The following PXN variants were observed in gnomAD, a reference collection of about 807,000 sequenced individuals.
The protein encoded by PXN is testicular tissue protein Li 134.
PXN carries 61 observed loss-of-function variants against 103.6 expected under a neutral mutation model. The ratio of observed to expected loss-of-function variants is 0.59; its 90% CI spans 0.48 to 0.73. PXN has a LOEUF of 0.73. PXN is among the 30% of genes least tolerant of loss of function. PXN has a pLI of 0.00. For missense variants in PXN, 1,274 were observed against 1,460.3 expected (o/e 0.87, Z 2.08); for synonymous variants, 562 against 607.8 (o/e 0.92, Z 1.11).
chr12:120,233,891 A>G lies in PXN; in HGVS notation c.14-9514T>C, dbSNP rs2283363. Among the ~76,000 whole-genome samples, 1,202 of 152,152 alleles carry G rather than the reference A, an allele frequency of 7.9e-3. 30 individuals are homozygous for G. In the East Asian group the frequency reaches 0.1, roughly 13 times the overall value. On this transcript the variant is annotated intron_variant, in intron 1 of 14. Transcript: ENST00000637617. ...AATGTGTCCCACCACTACCTCTATC[A>G]TCATTCACCTGGTTTGAGCCTCTCG... is the stretch of plus-strand genomic sequence containing the variant.
intron 1 of PXN, among the ~76,000 whole-genome samples, chr12:120,260,231 C>T (rs1893661814): frequency 6.6e-6 from 1 of 152,198 alleles, no homozygotes; most frequent in South Asian, 2.1e-4. Context: ...ACAAAAAGGC[C>T]GGGTGCAGTG....
In PXN at chr12:120,217,833, C is replaced by T. The variant is rs1462040391; in HGVS notation, c.1717-717G>A. On this transcript the variant is annotated intron_variant, in intron 7 of 14. Transcript: ENST00000637617. The surrounding 1 kb of genome is among the most constrained non-coding windows in gnomAD (Gnocchi z 4.1). ...TCGGCTGGTCTCAAACTCCTGACCTCGTGATCTGCCTGCCTCGGCCTCCCA... is the reference window on the plus strand; with the variant it reads ...TCGGCTGGTCTCAAACTCCTGACCTTGTGATCTGCCTGCCTCGGCCTCCCA... 6.6e-6 allele frequency among the ~76,000 whole-genome samples: 1 copy of T among 151,482 alleles called. No individual in the cohort carries two copies. The highest frequency in any genetic ancestry group is 2.1e-4 in the South Asian group (1 of 4,810).
chr12:120,251,784 T>C (rs1204682873), intron 1 of PXN, among the ~76,000 whole-genome samples: 1 of 152,100 alleles, frequency 6.6e-6, no homozygotes, highest in Non-Finnish European at 1.5e-5. Flanking sequence ...GCCACTGTAC[T>C]CCAGCCTGGG....
intron 1 of PXN, among the ~76,000 whole-genome samples, chr12:120,245,043 G>A (rs1271689716): frequency 1.3e-5 from 2 of 151,802 alleles, no homozygotes; most frequent in Non-Finnish European, 2.9e-5. Flanking sequence ...GGGAGTTGGG[G>A]CCTGGGACTG....
intron 1 of PXN, among the ~76,000 whole-genome samples, chr12:120,234,800 A>T (rs1302236779): frequency 6.6e-6 from 1 of 152,166 alleles, no homozygotes; most frequent in Non-Finnish European, 1.5e-5. Context: ...GATAAAATAA[A>T]CGTAAGCCTC....
rs1884624018 is a variant in PXN, at chr12:120,220,037, A to G, written c.886T>C (p.Ser296Pro). 5 of 1,505,742 alleles carry G rather than the reference A, an allele frequency of 3.3e-6. No individual in the cohort carries two copies. In the East Asian group the frequency reaches 1.1e-4, roughly 34 times the overall value. 93.3% of individuals were successfully genotyped at this position (1,505,742 alleles called of 1,614,324 possible). A position where few individuals can be genotyped will look rare whatever the true frequency, so the allele number is the denominator to read the frequency against. ...SAPGLSSSAP[S>P]SYCSLPPSPP... The stretch of plus-strand genomic sequence containing the variant: ...GAAGGAGGAAGGGAGCAGTATGAGG[A>G]CGGAGCAGAGCTGGACAGCCCCGGG... Residue 296 changes from serine to proline, a missense_variant, in exon 7 of 15, where the codon TCC becomes CCC. Around this residue, in one of 2 missense-constraint regions of PXN, gnomAD observed 1,178 missense variants for 1,309.0 expected, o/e 0.90. Transcript: ENST00000637617. This position sits in a 1 kb window ranked among gnomAD's most constrained non-coding sequence, Gnocchi z 6.1.
In PXN at chr12:120,214,866, A is replaced by G. The variant is rs768578167; in HGVS notation, c.2707T>C (p.Phe903Leu). The change falls in exon 12 of 15, where the codon TTC becomes CTC. Residue 903 changes from phenylalanine to leucine, a missense_variant. Transcript: ENST00000637617. The surrounding 1 kb of genome is among the most constrained non-coding windows in gnomAD (Gnocchi z 5.0). ...TTGCAGTAGTAGCAGCGCGGGGAGAAGAGGTTGTGGTAGTCCTTTTCACAG... is the reference window on the plus strand; with the variant it reads ...TTGCAGTAGTAGCAGCGCGGGGAGAGGAGGTTGTGGTAGTCCTTTTCACAG... ...PYCEKDYHNL[F>L]SPRCYYCNGP... The G allele has an allele frequency of 6.2e-7, 1 of 1,613,998 alleles. No individual in the cohort carries two copies. The highest frequency in any genetic ancestry group is 2.2e-5 in the East Asian group (1 of 44,886).
rs1000814255 is a variant in PXN, at chr12:120,213,317, T to G, written c.2979+525A>C. On this transcript the variant is annotated intron_variant, in intron 14 of 14. Transcript: ENST00000637617. The surrounding 1 kb of genome is among the most constrained non-coding windows in gnomAD (Gnocchi z 4.2). ...ATCACTGGAACTCAGCAGGCAGAGG[T>G]TGCAGTCAGCCAAGATCGTGCCACT... 1.3e-5 allele frequency among the ~76,000 whole-genome samples: 2 copies of G among 151,244 alleles called. No homozygotes were observed. The highest frequency in any genetic ancestry group is 4.9e-5 in the African/African-American group (2 of 41,082).
intron 1 of PXN, among the ~76,000 whole-genome samples, chr12:120,253,785 C>T (rs921956574): frequency 1.3e-5 from 2 of 152,214 alleles, no homozygotes; most frequent in Admixed American, 1.3e-4. Flanking sequence ...TTTGCCACAG[C>T]ATGGAAGGAC....
At chr12:120,233,840 C>T (rs944412590) in intron 1 of PXN, among the ~76,000 whole-genome samples, 10 of 152,098 alleles carry the variant, frequency 6.6e-5, no homozygotes, top group Non-Finnish European at 1.0e-4. Context: ...TCCCTTTTTG[C>T]CAGCGTGCCT....
At chr12:120,226,435 C>T (rs1385399010) in intron 1 of PXN, 6 of 1,289,002 alleles carry the variant, frequency 4.7e-6, no homozygotes, top group Non-Finnish European at 5.1e-6. Context: ...CCCACACTGC[C>T]AAGGCTGGAT....
At chr12:120,239,410 G>A (rs541624330) in intron 1 of PXN, among the ~76,000 whole-genome samples, 129 of 152,268 alleles carry the variant, frequency 8.5e-4, no homozygotes, top group African/African-American at 2.9e-3. Flanking sequence ...GTGAAACCCC[G>A]TCTCTACTGA....
chr12:120,212,221 G>T lies in PXN; in HGVS notation c.*93C>A. On this transcript the variant is annotated 3_prime_UTR_variant, in exon 15 of 15. Transcript: ENST00000637617. The surrounding 1 kb of genome is among the most constrained non-coding windows in gnomAD (Gnocchi z 7.2). ...GGACAAGGGTTCCAGTTTCAGTCGG[G>T]TTTACCCCTTCACCCCCGGGTGAAG... 6.6e-7 allele frequency: 1 copy of T among 1,509,940 alleles called. No homozygotes were observed. Among genetic ancestry groups the T allele is most frequent in the East Asian group, 2.3e-5 (1 of 43,590 alleles). The allele number at this position is 1,509,940 out of a possible 1,614,324, so 93.5% of individuals were successfully genotyped here. A position where few individuals can be genotyped will look rare whatever the true frequency, so the allele number is the denominator to read the frequency against.
rs536470976 is a variant in PXN at position 120,258,162 on chromosome 12, C to T, written c.13+7455G>A. 1.3e-4 allele frequency among the ~76,000 whole-genome samples: 20 copies of T among 151,064 alleles called. No individual in the cohort carries two copies. The South Asian group carries it at 4.2e-3, about 32-fold the overall frequency. ...GAGCCAAGATCACACCATTGCACTC[C>T]AGCCTGGGTGACAGAGTAAGACTCC... On this transcript the variant is annotated intron_variant, in intron 1 of 14. Transcript: ENST00000637617.
At position 120,221,932 on chromosome 12, in the gene PXN, T is replaced by C. The variant is rs1469018479; in HGVS notation, c.696-174A>G. 6.6e-6 allele frequency among the ~76,000 whole-genome samples: 1 copy of C among 152,082 alleles called. No homozygotes were observed. Among genetic ancestry groups the C allele is most frequent in the East Asian group, 1.9e-4 (1 of 5,184 alleles). ...TCACTGGGTCAGAAGAAAGGGCAGT[T>C]CAATGGCACCAGGAAGTGCCAGGAA... is the stretch of plus-strand genomic sequence containing the variant. On this transcript the variant is annotated intron_variant, in intron 5 of 14. Transcript: ENST00000637617. This position sits in a 1 kb window ranked among gnomAD's most constrained non-coding sequence, Gnocchi z 6.6.
At chr12:120,226,992 C>T in intron 1 of PXN, 1 of 987,240 alleles carries the variant, frequency 1.0e-6, no homozygotes, top group Non-Finnish European at 1.2e-6. Context: ...CTGATTTGCT[C>T]TGTAAAATCC....
chr12:120,211,842 A>G lies in PXN; in HGVS notation c.*472T>C. Reference sequence around the variant, plus strand: ...TTTGGATGGATGGATTTATGCTGGCATTGTCTGGAGGGAGCCGGGTGTCCC... The same window carrying G: ...TTTGGATGGATGGATTTATGCTGGCGTTGTCTGGAGGGAGCCGGGTGTCCC... On this transcript the variant is annotated 3_prime_UTR_variant, in exon 15 of 15. Coordinates refer to ENST00000637617, the MANE Select transcript of PXN (RefSeq NM_001385981.1). 2.1e-6 allele frequency: 1 copy of G among 477,924 alleles called. No homozygotes were observed. Among genetic ancestry groups the G allele is most frequent in the Non-Finnish European group, 4.2e-6 (1 of 238,486 alleles). 29.6% of individuals were successfully genotyped at this position (477,924 alleles called of 1,614,324 possible).
In PXN at chr12:120,213,709, T is replaced by A; in HGVS notation, c.2979+133A>T. 3 of 1,281,122 alleles carry A rather than the reference T, an allele frequency of 2.3e-6. No homozygotes were observed. Among genetic ancestry groups the A allele is most frequent in the Non-Finnish European group, 3.2e-6 (3 of 937,224 alleles). 79.4% of individuals were successfully genotyped at this position (1,281,122 alleles called of 1,614,324 possible). On this transcript the variant is annotated intron_variant, in intron 14 of 14. Transcript: ENST00000637617. This position sits in a 1 kb window ranked among gnomAD's most constrained non-coding sequence, Gnocchi z 4.2. Reference sequence around the variant, plus strand: ...GACCTACTGGACTGGAGGAAGGAGATCCCCTGCCTGCTCCCCCAATTAATA... The same window carrying A: ...GACCTACTGGACTGGAGGAAGGAGAACCCCTGCCTGCTCCCCCAATTAATA...
In PXN at chr12:120,265,535, G is replaced by A; in HGVS notation, c.13+82C>T. ...GGGCCGCCGAGGGTGGGATCCCGCG[G>A]CCCCTGCCGCTCGCTGGCGCCCTCC... On this transcript the variant is annotated intron_variant, in intron 1 of 14. Coordinates refer to ENST00000637617, the MANE Select transcript of PXN (RefSeq NM_001385981.1). This position sits in a 1 kb window ranked among gnomAD's most constrained non-coding sequence, Gnocchi z 5.7. 7.0e-7 allele frequency: 1 copy of A among 1,429,486 alleles called. No homozygotes were observed. Among genetic ancestry groups the A allele is most frequent in the Non-Finnish European group, 9.2e-7 (1 of 1,091,808 alleles). 88.6% of individuals were successfully genotyped at this position (1,429,486 alleles called of 1,614,324 possible). A position where few individuals can be genotyped will look rare whatever the true frequency, so the allele number is the denominator to read the frequency against.
Sources: gnomAD v4.1 joint callset for allele counts (sites outside exome capture counted in the v4.1 genomes callset) on GRCh38, gnomAD v4.1.1 for gene constraint, gnomAD v4.1.1 regional missense constraint, Gnocchi (gnomAD v3.1) non-coding constraint, MANE v1.5 for transcripts, NCBI Gene and HGNC (gene_info 2026-07-23, HGNC 2026-07-21) for gene names.